Variants in SZT2 observed in about 807,000 individuals in gnomAD.
SZT2 encodes the protein SZT2 subunit of KICSTOR complex, also known as KICSTOR complex protein SZT2.
A neutral mutation model predicts 404.2 loss-of-function variants in SZT2; 216 were observed. The observed-to-expected ratio is 0.53, with a 90% CI of 0.48 to 0.60. SZT2 has a LOEUF of 0.60. Ranked by LOEUF, SZT2 falls within the 20% of genes least tolerant of loss-of-function variation. SZT2 has a pLI of 0.00. For synonymous variants in SZT2, 1,693 were observed against 1,749.9 expected (o/e 0.97, Z 0.81); for missense variants, 3,857 against 4,459.2 (o/e 0.86, Z 3.85).
chr1:43,453,268 G>T lies in SZT2; in HGVS notation c.*2788G>T. 1 of 700,312 alleles carries T rather than the reference G, an allele frequency of 1.4e-6. No homozygotes were observed. Among genetic ancestry groups the T allele is most frequent in the Non-Finnish European group, 2.4e-6 (1 of 416,230 alleles). The allele number at this position is 700,312 out of a possible 1,614,324, so 43.4% of individuals were successfully genotyped here. ...ATTTACAAAGGACCAGGACCGCAGA[G>T]GCAGAGATAAACCAGTGGGCTCAGA... On this transcript the variant is annotated 3_prime_UTR_variant, in exon 72 of 72. Transcript: ENST00000634258.
chr1:43,415,907 A>G, intron 5 of SZT2, 53 bp from the exon 6 acceptor site: 2 of 1,553,520 alleles, frequency 1.3e-6, no homozygotes, highest in Non-Finnish European at 8.6e-7. Flanking sequence ...TTTGCTATGG[A>G]TGGGGCAGCA....
Position 43,420,384 on chromosome 1 carries a change from G to A in SZT2, c.1261+61G>A. 1 of 1,473,144 alleles carries A rather than the reference G, an allele frequency of 6.8e-7. No homozygotes were observed. Among genetic ancestry groups the A allele is most frequent in the Non-Finnish European group, 9.0e-7 (1 of 1,109,144 alleles). The allele number at this position is 1,473,144 out of a possible 1,614,324, so 91.3% of individuals were successfully genotyped here. A position where few individuals can be genotyped will look rare whatever the true frequency, so the allele number is the denominator to read the frequency against. On this transcript the variant is annotated intron_variant, in intron 9 of 71. Coordinates refer to ENST00000634258, the MANE Select transcript of SZT2 (RefSeq NM_001365999.1). The surrounding 1 kb of genome is among the most constrained non-coding windows in gnomAD (Gnocchi z 5.1). ...TCTCTCAAGAATTTGTGTGTGGGAA[G>A]ACCCACATGTATCACACATGAAAGA... is the stretch of plus-strand genomic sequence containing the variant.
At chr1:43,414,008 A>G (rs148581298) in intron 4 of SZT2, among the ~76,000 whole-genome samples, 137 of 152,298 alleles carry the variant, frequency 9.0e-4, no homozygotes, top group African/African-American at 3.1e-3. Context: ...GTGGGTAGGC[A>G]TGGTGACTCA....
rs1458905925 is a variant in SZT2, at chr1:43,450,443, A to G, written c.10262A>G (p.Asn3421Ser). ...TACCACCACCTGGAGTCTGTCATCA[A>G]CACAGCCTGTTTCACCCTCTGGACC... is the stretch of plus-strand genomic sequence containing the variant. ...STYHHLESVI[N>S]TACFTLWTRL... Residue 3421 changes from asparagine to serine, a missense_variant, in exon 72 of 72, where the codon AAC becomes AGC. Around this residue, in one of 7 missense-constraint regions of SZT2, gnomAD observed 717 missense variants for 868.2 expected, o/e 0.83. Coordinates refer to ENST00000634258, the MANE Select transcript of SZT2 (RefSeq NM_001365999.1). This position sits in a 1 kb window ranked among gnomAD's most constrained non-coding sequence, Gnocchi z 4.3. The G allele has an allele frequency of 4.3e-6, 7 of 1,614,010 alleles. No homozygotes were observed. Among genetic ancestry groups the G allele is most frequent in the Non-Finnish European group, 4.2e-6 (5 of 1,179,966 alleles).
At chr1:43,393,402 A>G (rs923898671) in intron 1 of SZT2, among the ~76,000 whole-genome samples, 2 of 152,228 alleles carry the variant, frequency 1.3e-5, no homozygotes, top group African/African-American at 2.4e-5. Context: ...TGAGGCATAG[A>G]GAGTGTAAGT....
At chr1:43,403,823 G>T (rs924933889) in intron 3 of SZT2, 49 bp downstream of exon 3, 2 of 1,594,486 alleles carry the variant, frequency 1.3e-6, no homozygotes, top group Non-Finnish European at 1.7e-6. Context: ...GGTGGGGTGT[G>T]AGGAGAGGGA....
chr1:43,452,679 C>G lies in SZT2; in HGVS notation c.*2199C>G. ...CCATGCTGCTGTCTCTACTTCCTCT[C>G]CTCGCATCTACTTAGCCTTTTCCCA... On this transcript the variant is annotated 3_prime_UTR_variant, in exon 72 of 72. Coordinates refer to ENST00000634258, the MANE Select transcript of SZT2 (RefSeq NM_001365999.1). The G allele has an allele frequency of 1.7e-6, 1 of 605,130 alleles. No homozygotes were observed. The highest frequency in any genetic ancestry group is 2.9e-6 in the Non-Finnish European group (1 of 340,004). The allele number at this position is 605,130 out of a possible 1,614,324, so 37.5% of individuals were successfully genotyped here.
rs770159588 is a variant in SZT2 at position 43,425,831 on chromosome 1, G to A, written c.2815-4G>A. On this transcript the variant is annotated splice_polypyrimidine_tract_variant and splice_region_variant and intron_variant, in intron 19 of 71. Transcript: ENST00000634258. This position sits in a 1 kb window ranked among gnomAD's most constrained non-coding sequence, Gnocchi z 4.3. ...ACTCCTGACCTCTGATGTTCTTCCT[G>A]TAGCTCCACCCACGGGATGCTGCCT... 8.7e-6 allele frequency: 14 copies of A among 1,613,452 alleles called. No homozygotes were observed. The African/African-American group carries it at 1.6e-4, about 18-fold the overall frequency.
At position 43,451,340 on chromosome 1, in the gene SZT2, C is replaced by G. The variant is rs1293024684; in HGVS notation, c.*860C>G. 6.2e-7 allele frequency: 1 copy of G among 1,613,020 alleles called. No homozygotes were observed. The highest frequency in any genetic ancestry group is 1.7e-5 in the Admixed American group (1 of 60,032). ...CAGGGAGAGGGAGGCCTCGGCACCT[C>G]AGCCCACAAGGAGAAAACAGCCCCT... On this transcript the variant is annotated 3_prime_UTR_variant, in exon 72 of 72. Coordinates refer to ENST00000634258, the MANE Select transcript of SZT2 (RefSeq NM_001365999.1).
chr1:43,440,702 A>G, intron 52 of SZT2, 116 bp downstream of exon 52: 1 of 1,351,604 alleles, frequency 7.4e-7, no homozygotes, highest in Non-Finnish European at 9.7e-7. Flanking sequence ...CCTTTCATAT[A>G]AAACTGCTCT....
At chr1:43,433,767 A>C (rs1654178604) in intron 40 of SZT2, among the ~76,000 whole-genome samples, 1 of 152,250 alleles carries the variant, frequency 6.6e-6, no homozygotes, top group South Asian at 2.1e-4. Context: ...CAACAGAGCA[A>C]GACACTGTCT....
intron 4 of SZT2, chr1:43,412,351 A>C (rs567141469): frequency 6.6e-6 from 1 of 152,372 alleles, no homozygotes; most frequent in Non-Finnish European, 1.5e-5. Flanking sequence ...GCTGGAGTGC[A>C]GTGGTGTGAA....
rs1430285564 is a variant in SZT2, at chr1:43,452,478, T to A, written c.*1998T>A. On this transcript the variant is annotated 3_prime_UTR_variant, in exon 72 of 72. Coordinates refer to ENST00000634258, the MANE Select transcript of SZT2 (RefSeq NM_001365999.1). ...GTATCCCAGCACTTTCAGAGACACT[T>A]CAGTGATGGCTGAGGGGCAAGCCCT... 3.0e-5 allele frequency: 21 copies of A among 711,556 alleles called. No individual in the cohort carries two copies. Among genetic ancestry groups the A allele is most frequent in the Non-Finnish European group, 4.4e-5 (17 of 384,806 alleles). 44.1% of individuals were successfully genotyped at this position (711,556 alleles called of 1,614,324 possible).
intron 5 of SZT2, 123 bp from the exon 6 acceptor site, chr1:43,415,837 T>C (rs1570605938): frequency 8.8e-7 from 1 of 1,141,318 alleles, no homozygotes; most frequent in African/African-American, 1.6e-5. Context: ...GTAGGGGAAT[T>C]GAGGTTCTCA....
At chr1:43,446,480 T>C in intron 65 of SZT2, 64 bp downstream of exon 65, 1 of 1,597,138 alleles carries the variant, frequency 6.3e-7, no homozygotes, top group Non-Finnish European at 8.6e-7. Context: ...CATGGCTCCA[T>C]GTCCCATTTG....
At chr1:43,427,232 C>T (rs1653267713) in intron 24 of SZT2, 49 bp from the exon 25 acceptor site, 1 of 1,605,102 alleles carries the variant, frequency 6.2e-7, no homozygotes, top group Non-Finnish European at 8.5e-7. Context: ...CCCCTGAGCT[C>T]CCTCACTGGC....
Position 43,448,389 on chromosome 1 carries a change from C to T in SZT2, c.9874C>T (p.Arg3292Ter), listed in dbSNP as rs1302034044. Residue 3292 changes from arginine to a stop codon, truncating the protein, a stop_gained, in exon 69 of 72, where the codon CGA (arginine) becomes TGA (stop). Coordinates refer to ENST00000634258, the MANE Select transcript of SZT2 (RefSeq NM_001365999.1). LOFTEE classifies it high-confidence loss of function. The surrounding 1 kb of genome is among the most constrained non-coding windows in gnomAD (Gnocchi z 4.2). ...LFLLEPPGPD[R>*]LRLGGRLALA... Reference sequence around the variant, plus strand: ...CTTGCTGGAGCCACCGGGGCCTGATCGACTGCGGCTAGGGGGGCGCCTGGC... The same window carrying T: ...CTTGCTGGAGCCACCGGGGCCTGATTGACTGCGGCTAGGGGGGCGCCTGGC... 4.5e-6 allele frequency: 7 copies of T among 1,567,596 alleles called. No homozygotes were observed. The highest frequency in any genetic ancestry group is 1.9e-5 in the Admixed American group (1 of 52,380).
intron 1 of SZT2, among the ~76,000 whole-genome samples, chr1:43,393,060 T>C (rs757298085): frequency 2.6e-5 from 4 of 152,230 alleles, no homozygotes; most frequent in Non-Finnish European, 5.9e-5. Context: ...ACAGTGGTTC[T>C]CAACCTACCT....
intron 5 of SZT2, 146 bp from the exon 6 acceptor site, chr1:43,415,814 A>T: frequency 2.2e-6 from 2 of 919,362 alleles, no homozygotes; most frequent in Non-Finnish European, 1.6e-6. Context: ...CACAGTCAAG[A>T]CTCAGCCGCA....
Sources: allele counts gnomAD v4.1 joint callset (sites outside exome capture counted in the v4.1 genomes callset), GRCh38; gene constraint gnomAD v4.1.1; regional missense constraint gnomAD v4.1.1; non-coding constraint Gnocchi (gnomAD v3.1); transcripts MANE v1.5; gene names NCBI Gene and HGNC (gene_info 2026-07-23, HGNC 2026-07-21).